CDC25B: variants seen among roughly 807,000 people sequenced by gnomAD.
CDC25B encodes the protein cell division cycle 25B.
CDC25B carries 33 observed loss-of-function variants against 69.8 expected under a neutral mutation model. The ratio of observed to expected loss-of-function variants is 0.47; its 90% confidence interval spans 0.36 to 0.63. CDC25B has a LOEUF of 0.63. Among genes scored for constraint, CDC25B ranks in the 30% least tolerant of loss-of-function variants. CDC25B has a pLI of 0.00. For missense variants in CDC25B, 727 were observed against 809.1 expected (o/e 0.90, Z 1.23); for synonymous variants, 341 against 314.6 (o/e 1.08, Z -0.89).
Position 3,803,063 on chromosome 20 carries a change from C to T in CDC25B, c.1258-45C>T, listed in dbSNP as rs2089342690. The T allele has an allele frequency of 6.3e-7, 1 of 1,593,420 alleles. No homozygotes were observed. Among genetic ancestry groups the T allele is most frequent in the Non-Finnish European group, 8.6e-7 (1 of 1,161,318 alleles). ...GGGACAGGCTAGGGCCACCTGCCAG[C>T]TGCCAGCCTGACCTGCCGGAACCAA... On this transcript the variant is annotated intron_variant, in intron 12 of 15. Coordinates refer to ENST00000245960, the MANE Select transcript of CDC25B (RefSeq NM_021873.4). The surrounding 1 kb of genome is among the most constrained non-coding windows in gnomAD (Gnocchi z 4.9).
At chr20:3,795,874 G>A (rs560474488), upstream of CDC25B, 41 of 985,408 alleles carry the variant, frequency 4.2e-5, no homozygotes, top group Admixed American at 1.7e-3. Flanking sequence ...ACGCCTCAGC[G>A]TCCAGGTCTG....
chr20:3,803,059 C>G lies in CDC25B; in HGVS notation c.1258-49C>G. ...CCTGGGGACAGGCTAGGGCCACCTG[C>G]CAGCTGCCAGCCTGACCTGCCGGAA... On this transcript the variant is annotated intron_variant, in intron 12 of 15. Transcript: ENST00000245960. The surrounding 1 kb of genome is among the most constrained non-coding windows in gnomAD (Gnocchi z 4.9). 6.3e-7 allele frequency: 1 copy of G among 1,590,356 alleles called. No individual in the cohort carries two copies. Among genetic ancestry groups the G allele is most frequent in the African/African-American group, 1.3e-5 (1 of 74,608 alleles).
In CDC25B at chr20:3,797,686, T is replaced by C; in HGVS notation, c.265T>C (p.Ser89Pro). The change falls in exon 2 of 16, where the codon TCC becomes CCC. Residue 89 changes from serine (S) to proline (P), a missense_variant. Transcript: ENST00000245960. ...CAGCCGCAGCCGCCTGACGCACCTA[T>C]CCCTGTCTCGACGGGCATCCGAATC... ...FRSRSRLTHLSLSRRASESSL... is the reference protein window; with the variant it reads ...FRSRSRLTHLPLSRRASESSL... The C allele has an allele frequency of 6.2e-7, 1 of 1,614,116 alleles. No homozygotes were observed. The highest frequency in any genetic ancestry group is 8.5e-7 in the Non-Finnish European group (1 of 1,180,024).
intron 1 of CDC25B, among the ~76,000 whole-genome samples, chr20:3,788,954 T>C (rs1203852849): frequency 6.6e-6 from 1 of 152,108 alleles, no homozygotes; most frequent in Non-Finnish European, 1.5e-5. Context: ...GCACAATTAC[T>C]TCTAGGACAG....
chr20:3,802,787 C>T, intron 11 of CDC25B, 123 bp from the exon 12 acceptor site: 3 of 788,956 alleles, frequency 3.8e-6, no homozygotes, highest in Non-Finnish European at 6.5e-6. Context: ...GGAACCAGAA[C>T]TGAATTTGAA....
intron 3 of CDC25B, 47 bp downstream of exon 3, chr20:3,798,510 T>C: frequency 7.0e-7 from 1 of 1,431,644 alleles, no homozygotes; most frequent in Admixed American, 2.0e-5. Context: ...AGCACCTGTC[T>C]TTAAGAATCC....
At chr20:3,788,910 G>A (rs986547796) in intron 1 of CDC25B, among the ~76,000 whole-genome samples, 2 of 135,504 alleles carry the variant, frequency 1.5e-5, no homozygotes, top group Admixed American at 1.7e-4. Flanking sequence ...TTCCTTTCCT[G>A]TGGCCCCTCC....
chr20:3,797,502 T>C (rs1394829007), intron 1 of CDC25B, 120 bp from the exon 2 acceptor site: 19 of 1,331,516 alleles, frequency 1.4e-5, no homozygotes, highest in Non-Finnish European at 1.8e-5. Context: ...GGGCCATTGC[T>C]TTCCCGGTGT....
chr20:3,804,032 C>T (rs2089386081), intron 14 of CDC25B, among the ~76,000 whole-genome samples: 1 of 152,214 alleles, frequency 6.6e-6, no homozygotes, highest in Non-Finnish European at 1.5e-5. Flanking sequence ...TAGTGGCTCC[C>T]CAGCCTGGCC....
At position 3,803,270 on chromosome 20, in the gene CDC25B, A is replaced by T. The variant is rs554398898; in HGVS notation, c.1356+64A>T. 71 of 1,575,516 alleles carry T rather than the reference A, an allele frequency of 4.5e-5. 1 individual carries two copies. The African/African-American group carries it at 8.1e-4, about 18-fold the overall frequency. Reference sequence around the variant, plus strand: ...CCTGGTTTAGGTCCTTGCTTTGCCAAGAGGGTGAATGGGTGGAGGACGGGT... The same window carrying T: ...CCTGGTTTAGGTCCTTGCTTTGCCATGAGGGTGAATGGGTGGAGGACGGGT... On this transcript the variant is annotated intron_variant, in intron 13 of 15. Coordinates refer to ENST00000245960, the MANE Select transcript of CDC25B (RefSeq NM_021873.4). The surrounding 1 kb of genome is among the most constrained non-coding windows in gnomAD (Gnocchi z 4.9).
Position 3,797,742 on chromosome 20 carries a change from T to C in CDC25B, c.321T>C (p.Ser107=). ...SSLSSESSES[S]DAGLCMDSPS... is the part of the protein sequence containing the mutation. ...TGTCGTCTGAATCCTCCGAATCTTC[T>C]GATGCAGGTGAGGCCCAGGGGAGCC... Residue 107 remains serine, a synonymous_variant, in exon 2 of 16, where the codon TCT becomes TCC. Transcript: ENST00000245960. 6.2e-7 allele frequency: 1 copy of C among 1,614,002 alleles called. No individual in the cohort carries two copies. Among genetic ancestry groups the C allele is most frequent in the Non-Finnish European group, 8.5e-7 (1 of 1,180,016 alleles).
chr20:3,799,511 T>C (rs1276137158), intron 3 of CDC25B, among the ~76,000 whole-genome samples: 62 of 130,966 alleles, frequency 4.7e-4, no homozygotes, highest in African/African-American at 2.1e-3. Flanking sequence ...TGTGTGTGTG[T>C]GTGTGTGTGT....
chr20:3,798,445 C>G lies in CDC25B; in HGVS notation c.362C>G (p.Pro121Arg). 1 of 1,599,022 alleles carries G rather than the reference C, an allele frequency of 6.3e-7. No homozygotes were observed. Among genetic ancestry groups the G allele is most frequent in the Non-Finnish European group, 8.5e-7 (1 of 1,172,394 alleles). The change falls in exon 3 of 16, where the codon CCC becomes CGC. Residue 121 changes from proline (P) to arginine (R), a missense_variant. Physicochemically the swap from Pro to Arg is moderately radical, Grantham distance 103 (BLOSUM62 -2). This residue lies in a region of CDC25B where 368 missense variants were observed against 345.6 expected (regional missense o/e 1.06). Coordinates refer to ENST00000245960, the MANE Select transcript of CDC25B (RefSeq NM_021873.4). ...LCMDSPSPMDPHMAEQTFEQA... is the reference protein window; with the variant it reads ...LCMDSPSPMDRHMAEQTFEQA... ...ATGGATTCCCCCAGCCCTATGGACC[C>G]CCACATGGCGGAGCAGACGTGAGTA... is the stretch of plus-strand genomic sequence containing the variant.
chr20:3,797,495 C>T (rs778327410), intron 1 of CDC25B, 127 bp from the exon 2 acceptor site: 21 of 1,234,392 alleles, frequency 1.7e-5, no homozygotes, highest in Non-Finnish European at 2.2e-5. Context: ...GCCCTCAGGG[C>T]CATTGCTTTC....
At chr20:3,801,892 C>A in intron 9 of CDC25B, 32 bp from the exon 10 acceptor site, 1 of 1,592,088 alleles carries the variant, frequency 6.3e-7, no homozygotes. Flanking sequence ...GGGGCCTGGG[C>A]ACCCTGATCC....
At chr20:3,804,544 C>T (rs1186889904) in intron 14 of CDC25B, 25 bp from the exon 15 acceptor site, 4 of 1,518,574 alleles carry the variant, frequency 2.6e-6, no homozygotes, top group Non-Finnish European at 3.7e-6. Context: ...CCCACTCTGA[C>T]CACACCCTGC....
rs748591450 is a variant in CDC25B, at chr20:3,802,262, C to T, written c.1099-19C>T. 3 of 1,605,962 alleles carry T rather than the reference C, an allele frequency of 1.9e-6. No individual in the cohort carries two copies. Among genetic ancestry groups the T allele is most frequent in the Non-Finnish European group, 2.6e-6 (3 of 1,175,334 alleles). On this transcript the variant is annotated intron_variant, in intron 10 of 15. Coordinates refer to ENST00000245960, the MANE Select transcript of CDC25B (RefSeq NM_021873.4). Reference sequence around the variant, plus strand: ...GCAGCCCCACCCTGACCCTGGCCTCCATCTGACTCACTTTCCAGAAAGCCC... The same window carrying T: ...GCAGCCCCACCCTGACCCTGGCCTCTATCTGACTCACTTTCCAGAAAGCCC...
chr20:3,804,529 C>T (rs766482382), intron 14 of CDC25B, 40 bp from the exon 15 acceptor site: 12 of 1,310,754 alleles, frequency 9.2e-6, no homozygotes, highest in Non-Finnish European at 1.3e-5. Flanking sequence ...CAAGCCACTG[C>T]ATGCCCCACT....
rs111526979 is a variant in CDC25B, at chr20:3,800,686, C to A, written c.460-57C>A. 37 of 1,599,638 alleles carry A rather than the reference C, an allele frequency of 2.3e-5. 1 individual carries two copies. Among genetic ancestry groups the A allele is most frequent in the African/African-American group, 1.9e-4 (14 of 74,924 alleles). On this transcript the variant is annotated intron_variant, in intron 5 of 15. Coordinates refer to ENST00000245960, the MANE Select transcript of CDC25B (RefSeq NM_021873.4). ...AGGTGGAGAAGGTAGGGCCTGGGCT[C>A]GTGCCGGAGGAATGCAGCCTTCATT... is the stretch of plus-strand genomic sequence containing the variant.
Sources: allele counts gnomAD v4.1 joint callset (sites outside exome capture counted in the v4.1 genomes callset), GRCh38; gene constraint gnomAD v4.1.1; regional missense constraint gnomAD v4.1.1; non-coding constraint Gnocchi (gnomAD v3.1); transcripts MANE v1.5; gene names NCBI Gene and HGNC (gene_info 2026-07-23, HGNC 2026-07-21).